FER1L6: variants seen among roughly 807,000 people sequenced by gnomAD.
FER1L6 encodes fer-1-like protein 6.
A neutral mutation model predicts 219.2 loss-of-function variants in FER1L6; 177 were observed. That is an observed-to-expected ratio of 0.81 (90% CI 0.71 to 0.91). The LOEUF (loss-of-function observed/expected upper bound fraction) is 0.91, where lower values mean the gene tolerates loss of function less well. FER1L6 is among the 40% of genes least tolerant of loss of function. The pLI, the probability that FER1L6 is intolerant of heterozygous loss-of-function variation, is 0.00. For missense variants in FER1L6, 2,153 were observed against 2,259.9 expected, an observed-to-expected ratio of 0.95 and a Z score of 0.96; for synonymous variants, 768 against 824.3, an observed-to-expected ratio of 0.93 and a Z score of 1.17.
At chr8:124,003,086 T>G in intron 12 of FER1L6, 81 bp from the exon 13 acceptor site, 8 of 1,188,064 alleles carry the variant, frequency 6.7e-6, no homozygotes, top group Non-Finnish European at 9.8e-6. Context: ...TGGGAGAACA[T>G]GAGTTTGGAT....
At chr8:123,914,193 C>T (rs4871425) in intron 1 of FER1L6, among the ~76,000 whole-genome samples, 49,811 of 152,016 alleles carry the variant, frequency 0.33, 8,651 homozygotes, top group East Asian at 0.44. Flanking sequence ...TAACAGAATA[C>T]TTTCATCATG....
At chr8:124,030,286 G>A (rs1403857747) in intron 18 of FER1L6, among the ~76,000 whole-genome samples, 1 of 152,138 alleles carries the variant, frequency 6.6e-6, no homozygotes, top group African/African-American at 2.4e-5. Flanking sequence ...GTAGTCACAC[G>A]GCTAAGTAAT....
At chr8:123,925,446 A>G (rs1813527757) in intron 1 of FER1L6, among the ~76,000 whole-genome samples, 1 of 152,246 alleles carries the variant, frequency 6.6e-6, no homozygotes, top group South Asian at 2.1e-4. Flanking sequence ...CCTGTCAGCT[A>G]AAAATGATCA....
At chr8:124,057,221 GT>G (rs922316019) in intron 22 of FER1L6, among the ~76,000 whole-genome samples, 5 of 151,946 alleles carry the variant, frequency 3.3e-5, no homozygotes, top group Non-Finnish European at 7.4e-5. Flanking sequence ...TTCCTCTTAG[GT>G]TTTTTTGTTT....
chr8:124,027,603 A>G (rs1818766617), intron 18 of FER1L6, among the ~76,000 whole-genome samples: 1 of 152,204 alleles, frequency 6.6e-6, no homozygotes, highest in Admixed American at 6.5e-5. Flanking sequence ...TCTATTGCCA[A>G]GTCTGGAGTG....
At chr8:123,909,714 A>G (rs555140103) in intron 1 of FER1L6, among the ~76,000 whole-genome samples, 1 of 151,824 alleles carries the variant, frequency 6.6e-6, no homozygotes, top group Non-Finnish European at 1.5e-5. Flanking sequence ...TTTCTCTTAA[A>G]TGTTAGCTTT....
At chr8:123,923,902 C>T (rs1037153636) in intron 1 of FER1L6, among the ~76,000 whole-genome samples, 17 of 147,928 alleles carry the variant, frequency 1.1e-4, no homozygotes, top group South Asian at 4.4e-4. Context: ...ATCACGCCCC[C>T]GCGCTCCAGC....
At chr8:123,930,178 A>G (rs1196637753) in intron 1 of FER1L6, among the ~76,000 whole-genome samples, 1 of 152,150 alleles carries the variant, frequency 6.6e-6, no homozygotes, top group Admixed American at 6.5e-5. Flanking sequence ...TTTGACTTGT[A>G]CTCATGGATG....
intron 1 of FER1L6, among the ~76,000 whole-genome samples, chr8:123,931,866 G>C (rs1586480160): frequency 6.6e-6 from 1 of 152,308 alleles, no homozygotes; most frequent in Middle Eastern, 3.4e-3. Flanking sequence ...ATAATTTTAG[G>C]GAGTGCAGTG....
At chr8:124,041,958 G>T (rs1327163993) in intron 20 of FER1L6, among the ~76,000 whole-genome samples, 5 of 152,256 alleles carry the variant, frequency 3.3e-5, no homozygotes, top group Admixed American at 2.6e-4. Context: ...TCCTTCCAGA[G>T]GATAAAATAC....
intron 17 of FER1L6, among the ~76,000 whole-genome samples, chr8:124,022,406 A>G (rs557801166): frequency 1.3e-5 from 2 of 152,360 alleles, no homozygotes; most frequent in South Asian, 2.1e-4. Flanking sequence ...GTTTAAAACA[A>G]TATACTTCCT....
chr8:124,096,655 C>G (rs1822307345), intron 35 of FER1L6, among the ~76,000 whole-genome samples: 1 of 152,168 alleles, frequency 6.6e-6, no homozygotes, highest in Admixed American at 6.5e-5. Flanking sequence ...CTGTTAGCCA[C>G]AGAACTTCAG....
At chr8:124,065,706 T>C (rs977390836) in intron 26 of FER1L6, among the ~76,000 whole-genome samples, 1 of 152,222 alleles carries the variant, frequency 6.6e-6, no homozygotes, top group African/African-American at 2.4e-5. Flanking sequence ...AACATCTCTA[T>C]ACCCCCGCAC....
At chr8:124,041,338 T>C (rs541679800) in intron 20 of FER1L6, among the ~76,000 whole-genome samples, 1 of 152,336 alleles carries the variant, frequency 6.6e-6, no homozygotes, top group South Asian at 2.1e-4. Flanking sequence ...GGCCATGACA[T>C]TGGCTGATGT....
intron 1 of FER1L6, among the ~76,000 whole-genome samples, chr8:123,931,130 G>A (rs1404549689): frequency 6.6e-6 from 1 of 152,196 alleles, no homozygotes; most frequent in Non-Finnish European, 1.5e-5. Flanking sequence ...TGGAGGCCCT[G>A]CCTGCATTTT....
intron 34 of FER1L6, among the ~76,000 whole-genome samples, chr8:124,092,231 T>C (rs1434182043): frequency 2.0e-5 from 3 of 152,240 alleles, no homozygotes; most frequent in Non-Finnish European, 4.4e-5. Flanking sequence ...TCAGTGATGA[T>C]ATGCCTTTTT....
intron 32 of FER1L6, among the ~76,000 whole-genome samples, chr8:124,080,491 T>C (rs1248348528): frequency 6.6e-6 from 1 of 152,106 alleles, no homozygotes; most frequent in Non-Finnish European, 1.5e-5. Flanking sequence ...CTAATTTTTG[T>C]ATTTTTAGTA....
Position 123,885,682 on chromosome 8 carries a change from C to G in FER1L6, c.-8+33497C>G, listed in dbSNP as rs577077345. On this transcript the variant is annotated intron_variant, in intron 1 of 40. Coordinates refer to ENST00000522917, the MANE Select transcript of FER1L6 (RefSeq NM_001039112.2). ...AGGCAGAGCGGGCTTTGGAGCCAGA[C>G]AGCTGTGGTTGTAATCAGTATGTGG... 9.8e-5 allele frequency among the ~76,000 whole-genome samples: 15 copies of G among 152,294 alleles called. No individual in the cohort carries two copies. The East Asian group carries it at 2.7e-3, about 27-fold the overall frequency.
intron 12 of FER1L6, among the ~76,000 whole-genome samples, chr8:123,998,633 C>T (rs1411646909): frequency 2.0e-5 from 3 of 152,120 alleles, no homozygotes; most frequent in Non-Finnish European, 4.4e-5. Context: ...GGTGCCTGTC[C>T]TTTCCTTCAG....
Sources: gnomAD v4.1 joint callset for allele counts (sites outside exome capture counted in the v4.1 genomes callset) on GRCh38, gnomAD v4.1.1 for gene constraint, MANE v1.5 for transcripts, NCBI Gene and HGNC (gene_info 2026-07-23, HGNC 2026-07-21) for gene names.